Variants in YES1 observed in about 807,000 individuals in gnomAD.
YES1 encodes YES proto-oncogene 1, Src family tyrosine kinase, also known as tyrosine-protein kinase Yes.
Under a neutral mutation model 70.4 loss-of-function variants are expected in YES1, and 39 were observed. That is an observed-to-expected ratio of 0.55 (90% CI 0.43 to 0.72). The LOEUF is 0.72. Among genes scored for constraint, YES1 ranks in the 30% least tolerant of loss-of-function variants. The pLI is 0.00. For missense variants in YES1, 495 were observed against 644.8 expected (o/e 0.77, Z 2.52); for synonymous variants, 198 against 218.6 (o/e 0.91, Z 0.83).
intron 1 of YES1, among the ~76,000 whole-genome samples, chr18:759,739 G>A (rs1272599067): frequency 6.6e-6 from 1 of 151,778 alleles, no homozygotes; most frequent in African/African-American, 2.4e-5. Context: ...ATACTCTAAG[G>A]TTGTAGGGTA....
At position 761,134 on chromosome 18, in the gene YES1, T is replaced by C. The variant is rs1206883866; in HGVS notation, c.-8-4299A>G. On this transcript the variant is annotated intron_variant, in intron 1 of 11. Coordinates refer to ENST00000314574, the MANE Select transcript of YES1 (RefSeq NM_005433.4). ...AATATACTTAAGCCTGAAGGCAAAA[T>C]TGTAACAATCAATATATATCCACAA... Among the ~76,000 whole-genome samples, 12 of 151,766 alleles carry C rather than the reference T, an allele frequency of 7.9e-5. No individual in the cohort carries two copies. In the East Asian group the frequency reaches 1.5e-3, roughly 20 times the overall value.
chr18:811,659 A>C (rs1297682859), intron 1 of YES1, among the ~76,000 whole-genome samples: 1 of 151,802 alleles, frequency 6.6e-6, no homozygotes, highest in Non-Finnish European at 1.5e-5. Context: ...CGCCCCACAC[A>C]CCCGCTCCTC....
At position 736,862 on chromosome 18, in the gene YES1, CTAT is replaced by C; in HGVS notation, c.1234_1236del (p.Ile412del). ...ATTAACCTTGCTAAACCAAAGTCTG[CTAT>C]TTTGCACACAAGATTTTCTCCTACA... On this transcript the variant is annotated inframe_deletion, in exon 10 of 12. Coordinates refer to ENST00000314574, the MANE Select transcript of YES1 (RefSeq NM_005433.4). 1 of 1,612,558 alleles carries C rather than the reference CTAT, an allele frequency of 6.2e-7. No individual in the cohort carries two copies. The highest frequency in any genetic ancestry group is 8.5e-7 in the Non-Finnish European group (1 of 1,179,952).
chr18:751,384 G>C (rs1162797473), intron 3 of YES1, among the ~76,000 whole-genome samples: 1 of 151,780 alleles, frequency 6.6e-6, no homozygotes, highest in Non-Finnish European at 1.5e-5. Context: ...CTGGTACTTA[G>C]AAAAATAGGA....
chr18:778,366 G>A (rs1267555693), intron 1 of YES1, among the ~76,000 whole-genome samples: 1 of 152,172 alleles, frequency 6.6e-6, no homozygotes, highest in African/African-American at 2.4e-5. Flanking sequence ...CAAATCCACT[G>A]CTCAACCTAT....
chr18:776,340 C>T (rs1378002796), intron 1 of YES1, among the ~76,000 whole-genome samples: 1 of 152,074 alleles, frequency 6.6e-6, no homozygotes, highest in African/African-American at 2.4e-5. Flanking sequence ...ATTACAGGCT[C>T]ATGCCACCAC....
At chr18:728,322 CAA>C (rs34970099) in intron 11 of YES1, among the ~76,000 whole-genome samples, 2 of 145,656 alleles carry the variant, frequency 1.4e-5, no homozygotes, top group Non-Finnish European at 3.0e-5. Flanking sequence ...GACCCTGTCT[CAA>C]AAAAAAAAAA....
intron 6 of YES1, among the ~76,000 whole-genome samples, chr18:745,193 T>C (rs1234441872): frequency 3.9e-5 from 6 of 152,178 alleles, no homozygotes; most frequent in Non-Finnish European, 8.8e-5. Context: ...AAGATTCTAA[T>C]ATTAAATACC....
intron 8 of YES1, among the ~76,000 whole-genome samples, chr18:742,195 A>C (rs1422332257): frequency 6.6e-6 from 1 of 152,198 alleles, no homozygotes; most frequent in Non-Finnish European, 1.5e-5. Context: ...TAGTTCCTCT[A>C]AGTACCATCT....
intron 6 of YES1, among the ~76,000 whole-genome samples, chr18:744,708 T>TTC (rs1284904350): frequency 1.3e-4 from 18 of 139,020 alleles, no homozygotes; most frequent in Non-Finnish European, 2.4e-4. Context: ...TTTTTTTTTT[T>TTC]TTTTTTTAAG....
At chr18:793,068 TCTCA>T (rs2145820469) in intron 1 of YES1, among the ~76,000 whole-genome samples, 1 of 147,520 alleles carries the variant, frequency 6.8e-6, no homozygotes, top group Non-Finnish European at 1.5e-5. Context: ...TGAGACAGAG[TCTCA>T]CTGTGTCACC....
chr18:811,435 G>A (rs1354964215), intron 1 of YES1, among the ~76,000 whole-genome samples: 1 of 152,138 alleles, frequency 6.6e-6, no homozygotes, highest in Non-Finnish European at 1.5e-5. Flanking sequence ...GTGAAAGCTG[G>A]AAGCAATTAT....
At chr18:806,464 T>C (rs546288157) in intron 1 of YES1, among the ~76,000 whole-genome samples, 7 of 152,364 alleles carry the variant, frequency 4.6e-5, no homozygotes, top group South Asian at 2.1e-4. Context: ...GCTAGTTTTA[T>C]AACATTTTAG....
chr18:809,416 C>T (rs1172426027), intron 1 of YES1, among the ~76,000 whole-genome samples: 2 of 152,130 alleles, frequency 1.3e-5, no homozygotes, highest in Non-Finnish European at 2.9e-5. Flanking sequence ...TCTCGTGCCT[C>T]AGCCTCCCAG....
chr18:802,104 A>G (rs1906854034), intron 1 of YES1, among the ~76,000 whole-genome samples: 1 of 152,220 alleles, frequency 6.6e-6, no homozygotes, highest in African/African-American at 2.4e-5. Context: ...TCCATTAAAA[A>G]GAAAAGTCTA....
upstream of YES1, chr18:812,438 G>C (rs1018281729): frequency 2.6e-5 from 4 of 152,046 alleles, no homozygotes; most frequent in East Asian, 7.8e-4. Flanking sequence ...CCCGGCTCCG[G>C]GGCCCCCAGC....
intron 11 of YES1, among the ~76,000 whole-genome samples, chr18:725,330 A>G (rs75588551): frequency 0.12 from 17,704 of 152,116 alleles, 1,135 homozygotes; most frequent in East Asian, 0.28. Flanking sequence ...CCCTGCCTGC[A>G]AGTCAGGCCA....
At chr18:773,483 A>G (rs1380647654) in intron 1 of YES1, among the ~76,000 whole-genome samples, 5 of 152,212 alleles carry the variant, frequency 3.3e-5, no homozygotes, top group African/African-American at 9.7e-5. Context: ...AAATCAGTGT[A>G]TTCAAAAACT....
At chr18:783,374 T>C (rs1905773029) in intron 1 of YES1, among the ~76,000 whole-genome samples, 1 of 148,476 alleles carries the variant, frequency 6.7e-6, no homozygotes. Context: ...AAAACTCTTC[T>C]TGGTTATGTA....
Sources: gnomAD v4.1 joint callset for allele counts (sites outside exome capture counted in the v4.1 genomes callset) on GRCh38, gnomAD v4.1.1 for gene constraint, MANE v1.5 for transcripts, NCBI Gene and HGNC (gene_info 2026-07-23, HGNC 2026-07-21) for gene names.